FCHO2: variants seen among roughly 807,000 people sequenced by gnomAD.
The protein encoded by FCHO2 is FCH and mu domain containing endocytic adaptor 2.
In FCHO2, 43 loss-of-function variants were observed where a neutral mutation model predicts 114.1. That is an observed-to-expected ratio of 0.38 (90% CI 0.30 to 0.49). The LOEUF (loss-of-function observed/expected upper bound fraction) is 0.49, where lower values mean the gene tolerates loss of function less well. Among genes scored for constraint, FCHO2 ranks in the 20% least tolerant of loss-of-function variants. FCHO2 has a pLI of 0.97. For synonymous variants in FCHO2, 293 were observed against 315.2 expected (o/e 0.93, Z 0.75); for missense variants, 807 against 950.4 (o/e 0.85, Z 1.98).
intron 22 of FCHO2, among the ~76,000 whole-genome samples, chr5:73,079,052 A>G (rs62362232): frequency 0.12 from 17,903 of 152,188 alleles, 1,265 homozygotes; most frequent in Non-Finnish European, 0.17. Context: ...AGGCTTGACA[A>G]TCATTTTCAC....
At chr5:73,019,936 A>G (rs1708871809) in intron 8 of FCHO2, among the ~76,000 whole-genome samples, 1 of 152,206 alleles carries the variant, frequency 6.6e-6, no homozygotes, top group Non-Finnish European at 1.5e-5. Flanking sequence ...CAAGCAACCC[A>G]GAAGACTTGT....
At chr5:73,044,007 C>A (rs867805917) in intron 11 of FCHO2, among the ~76,000 whole-genome samples, 1 of 152,144 alleles carries the variant, frequency 6.6e-6, no homozygotes, top group African/African-American at 2.4e-5. Flanking sequence ...AGATCTCCCC[C>A]TCGCTGTTCT....
At chr5:72,970,933 G>C (rs1245532490) in intron 2 of FCHO2, among the ~76,000 whole-genome samples, 6 of 152,058 alleles carry the variant, frequency 3.9e-5, no homozygotes, top group Admixed American at 3.9e-4. Flanking sequence ...TCCCACCTAT[G>C]AGTGAGAATA....
At chr5:73,051,253 T>G in intron 11 of FCHO2, 96 bp from the exon 12 acceptor site, 1 of 762,202 alleles carries the variant, frequency 1.3e-6, no homozygotes, top group Non-Finnish European at 2.1e-6. Context: ...TGAGAAGCGG[T>G]TTGGTTCCTA....
chr5:72,988,169 G>A (rs1753635489), intron 2 of FCHO2, among the ~76,000 whole-genome samples: 1 of 152,240 alleles, frequency 6.6e-6, no homozygotes, highest in Non-Finnish European at 1.5e-5. Flanking sequence ...GCCGGGCGCA[G>A]TGGCTCATGC....
At chr5:72,992,753 C>G (rs1753873002) in intron 5 of FCHO2, among the ~76,000 whole-genome samples, 2 of 152,090 alleles carry the variant, frequency 1.3e-5, no homozygotes, top group Non-Finnish European at 2.9e-5. Flanking sequence ...AATATTCTTG[C>G]AGGGAAGTAA....
At chr5:73,008,043 T>C (rs1346314091) in intron 6 of FCHO2, among the ~76,000 whole-genome samples, 1 of 152,132 alleles carries the variant, frequency 6.6e-6, no homozygotes, top group African/African-American at 2.4e-5. Context: ...TTACTAAACC[T>C]GAGTAAGGGA....
chr5:73,063,641 C>T (rs757531273), intron 17 of FCHO2, among the ~76,000 whole-genome samples, 200 bp from the exon 18 acceptor site: 2 of 151,804 alleles, frequency 1.3e-5, no homozygotes, highest in African/African-American at 2.4e-5. Context: ...AACTTTTTTT[C>T]AGGAATATTA....
At chr5:72,987,871 TTTGG>T (rs1227213717) in intron 2 of FCHO2, among the ~76,000 whole-genome samples, 2 of 152,110 alleles carry the variant, frequency 1.3e-5, no homozygotes, top group Non-Finnish European at 2.9e-5. Context: ...TTTGTGCAAA[TTTGG>T]TTGGGAAAGA....
intron 11 of FCHO2, among the ~76,000 whole-genome samples, chr5:73,042,710 T>C (rs1052350672): frequency 6.6e-6 from 1 of 152,202 alleles, no homozygotes; most frequent in African/African-American, 2.4e-5. Context: ...CAGGGGTTAA[T>C]TGCTTTCATT....
intron 6 of FCHO2, among the ~76,000 whole-genome samples, chr5:73,012,490 A>G (rs1755075039): frequency 6.6e-6 from 1 of 151,882 alleles, no homozygotes; most frequent in Non-Finnish European, 1.5e-5. Flanking sequence ...GTGGTGGCAC[A>G]TGCCTGTAGT....
chr5:72,956,331 G>A (rs1227376974), intron 1 of FCHO2, among the ~76,000 whole-genome samples: 1 of 151,776 alleles, frequency 6.6e-6, no homozygotes, highest in African/African-American at 2.4e-5. Flanking sequence ...CTATGGGGAC[G>A]GGGGCTGTCA....
intron 6 of FCHO2, among the ~76,000 whole-genome samples, chr5:73,012,858 G>A (rs1755095498): frequency 6.6e-6 from 1 of 151,902 alleles, no homozygotes; most frequent in Non-Finnish European, 1.5e-5. Flanking sequence ...TTTCAAAATT[G>A]CATCTGATTC....
intron 11 of FCHO2, among the ~76,000 whole-genome samples, chr5:73,044,998 C>A (rs1002906163): frequency 3.3e-5 from 5 of 152,112 alleles, no homozygotes; most frequent in Non-Finnish European, 7.4e-5. Context: ...GTGCATAGTT[C>A]TAGCAGTAAA....
chr5:73,084,255 GGTTTT>G (rs556539645), intron 24 of FCHO2, among the ~76,000 whole-genome samples: 1 of 151,566 alleles, frequency 6.6e-6, no homozygotes. Context: ...TTTAGGGTTT[GGTTTT>G]GTTTTGTTTT....
chr5:72,987,722 T>C (rs1321727532), intron 2 of FCHO2, among the ~76,000 whole-genome samples: 4 of 152,224 alleles, frequency 2.6e-5, no homozygotes, highest in Admixed American at 2.6e-4. Context: ...ATATTAACTT[T>C]TTTGGGTGAA....
intron 2 of FCHO2, among the ~76,000 whole-genome samples, chr5:72,970,998 G>A (rs374619206): frequency 2.4e-4 from 36 of 152,064 alleles, no homozygotes; most frequent in African/African-American, 8.4e-4. Context: ...ATGATTTCCA[G>A]TTTCATCCAT....
chr5:72,967,005 G>A (rs954567577), intron 1 of FCHO2, among the ~76,000 whole-genome samples: 1 of 152,184 alleles, frequency 6.6e-6, no homozygotes, highest in African/African-American at 2.4e-5. Context: ...CATTAATTAG[G>A]CTGGGCATAG....
chr5:73,052,583 A>G, intron 13 of FCHO2, 76 bp downstream of exon 13: 1 of 1,148,810 alleles, frequency 8.7e-7, no homozygotes, highest in Non-Finnish European at 1.2e-6. Context: ...GTCAAACATT[A>G]CTTAGCAATT....
Sources: allele counts gnomAD v4.1 joint callset (sites outside exome capture counted in the v4.1 genomes callset), GRCh38; gene constraint gnomAD v4.1.1; transcripts MANE v1.5; gene names NCBI Gene and HGNC (gene_info 2026-07-23, HGNC 2026-07-21).